The following PIP4K2A variants were observed in gnomAD, a reference collection of about 807,000 sequenced individuals.
The protein encoded by PIP4K2A is phosphatidylinositol-5-phosphate 4-kinase type 2 alpha.
PIP4K2A carries 14 observed loss-of-function variants against 42.9 expected under a neutral mutation model. The ratio of observed to expected loss-of-function variants is 0.33; its 90% CI spans 0.22 to 0.51. The LOEUF is 0.51. Among genes scored for constraint, PIP4K2A ranks in the 20% least tolerant of loss-of-function variants. PIP4K2A has a pLI of 0.97. For missense variants in PIP4K2A, 434 were observed against 519.8 expected, an observed-to-expected ratio of 0.83 and a Z score of 1.61; for synonymous variants, 192 against 192.2, an observed-to-expected ratio of 1.00 and a Z score of 0.01.
At chr10:22,567,989 C>A in intron 5 of PIP4K2A, 100 bp from the exon 6 acceptor site, 1 of 1,035,466 alleles carries the variant, frequency 9.7e-7, no homozygotes. Context: ...AGAGCCAGCT[C>A]AGCACCCACT....
chr10:22,616,885 A>C (rs1363749440), intron 1 of PIP4K2A, among the ~76,000 whole-genome samples: 1 of 152,114 alleles, frequency 6.6e-6, no homozygotes, highest in Non-Finnish European at 1.5e-5. Context: ...GAAAATAAAT[A>C]CTCCTCAAAG....
chr10:22,630,977 A>G (rs1838534873), intron 1 of PIP4K2A, among the ~76,000 whole-genome samples: 1 of 152,198 alleles, frequency 6.6e-6, no homozygotes, highest in African/African-American at 2.4e-5. Flanking sequence ...CAACAGGGAC[A>G]AGAGAGTAGG....
At chr10:22,703,776 G>A (rs1833759404) in intron 1 of PIP4K2A, among the ~76,000 whole-genome samples, 1 of 152,204 alleles carries the variant, frequency 6.6e-6, no homozygotes, top group South Asian at 2.1e-4. Context: ...CCAAACAGGA[G>A]GCTACCACAG....
At chr10:22,548,335 A>G (rs1836305860) in intron 7 of PIP4K2A, among the ~76,000 whole-genome samples, 1 of 152,246 alleles carries the variant, frequency 6.6e-6, no homozygotes, top group African/African-American at 2.4e-5. Flanking sequence ...CAATGGTATT[A>G]TTAGAGACAA....
chr10:22,538,972 A>G (rs1050611731), intron 9 of PIP4K2A, among the ~76,000 whole-genome samples: 12 of 152,306 alleles, frequency 7.9e-5, no homozygotes, highest in Middle Eastern at 6.8e-3. Context: ...GTGAATCTTC[A>G]TTAGTTCTAC....
At chr10:22,655,389 G>C (rs961066931) in intron 1 of PIP4K2A, among the ~76,000 whole-genome samples, 1 of 152,188 alleles carries the variant, frequency 6.6e-6, no homozygotes, top group African/African-American at 2.4e-5. Flanking sequence ...TGTGACTGCT[G>C]CCCTGCCTTC....
chr10:22,635,221 A>C (rs989543364), intron 1 of PIP4K2A, among the ~76,000 whole-genome samples: 4 of 152,098 alleles, frequency 2.6e-5, no homozygotes, highest in Admixed American at 1.3e-4. Context: ...ACACAGAGAG[A>C]ACCCTAATGT....
intron 1 of PIP4K2A, among the ~76,000 whole-genome samples, chr10:22,713,761 C>T (rs1208708225): frequency 1.3e-5 from 2 of 152,118 alleles, no homozygotes; most frequent in Non-Finnish European, 2.9e-5. Context: ...GCGGGCGCCG[C>T]GCGGCCCCCA....
At chr10:22,599,968 G>A (rs1453548043) in intron 3 of PIP4K2A, among the ~76,000 whole-genome samples, 2 of 151,758 alleles carry the variant, frequency 1.3e-5, no homozygotes, top group Non-Finnish European at 2.9e-5. Context: ...AAACGTCTGC[G>A]CTGAAGATGT....
At position 22,608,014 on chromosome 10, in the gene PIP4K2A, C is replaced by T. The variant is rs779504779; in HGVS notation, c.252G>A (p.Met84Ile). ...ATTCCTTAAACTTGAAATGGCTCGG[C>T]ATGTTTTCTCTGAAACAGTCACAGC... ...VDNHLFNKEN[M>I]PSHFKFKEYC... The change falls in exon 3 of 10, where the codon ATG (methionine) becomes ATA (isoleucine). Residue 84 changes from methionine (M) to isoleucine (I), a missense_variant. By Grantham distance (10) the Met-to-Ile change is conservative. Around this residue, in one of 2 missense-constraint regions of PIP4K2A, gnomAD observed 395 missense variants for 444.5 expected, o/e 0.89. Coordinates refer to ENST00000376573, the MANE Select transcript of PIP4K2A (RefSeq NM_005028.5). The T allele has an allele frequency of 1.2e-6, 2 of 1,607,208 alleles. No homozygotes were observed. Among genetic ancestry groups the T allele is most frequent in the South Asian group, 2.2e-5 (2 of 90,646 alleles).
intron 9 of PIP4K2A, among the ~76,000 whole-genome samples, chr10:22,538,512 A>T (rs113575310): frequency 2.6e-5 from 4 of 152,344 alleles, no homozygotes; most frequent in African/African-American, 9.6e-5. Flanking sequence ...GTATGAGGTG[A>T]AAAAACAGGA....
intron 4 of PIP4K2A, among the ~76,000 whole-genome samples, chr10:22,580,700 CA>C (rs1299910559): frequency 6.6e-6 from 1 of 152,172 alleles, no homozygotes; most frequent in South Asian, 2.1e-4. Context: ...GTTTAACTTC[CA>C]GATTACAAGA....
In PIP4K2A at chr10:22,576,760, C is replaced by A. The variant is rs191150510; in HGVS notation, c.493-3303G>T. On this transcript the variant is annotated intron_variant, in intron 4 of 9. Transcript: ENST00000376573. ...TTTCCATTTTTATTAAACCTCAAAA[C>A]CCCCTCATCACTCTCAATATTCATT... is the stretch of plus-strand genomic sequence containing the variant. Among the ~76,000 whole-genome samples, 1,268 of 152,262 alleles carry A rather than the reference C, an allele frequency of 8.3e-3. 5 individuals carry two copies. The highest frequency in any genetic ancestry group is 0.015 in the Non-Finnish European group (1,022 of 68,024).
At chr10:22,646,058 T>G (rs1257817162) in intron 1 of PIP4K2A, among the ~76,000 whole-genome samples, 3 of 152,110 alleles carry the variant, frequency 2.0e-5, no homozygotes, top group Admixed American at 2.0e-4. Context: ...CATTTTTAAT[T>G]TCATGATCAA....
chr10:22,683,871 ACAC>A (rs753954765), intron 1 of PIP4K2A, among the ~76,000 whole-genome samples: 447 of 150,902 alleles, frequency 3.0e-3, no homozygotes, highest in Non-Finnish European at 5.1e-3. Flanking sequence ...ACACACACAC[ACAC>A]AATTCAAAGT....
At chr10:22,612,895 G>C (rs1838089082) in intron 1 of PIP4K2A, among the ~76,000 whole-genome samples, 1 of 152,182 alleles carries the variant, frequency 6.6e-6, no homozygotes, top group South Asian at 2.1e-4. Context: ...AAAAATGTGT[G>C]TATCTGTGCA....
intron 7 of PIP4K2A, among the ~76,000 whole-genome samples, chr10:22,545,146 C>G (rs1269490494): frequency 6.6e-6 from 1 of 152,234 alleles, no homozygotes; most frequent in African/African-American, 2.4e-5. Context: ...TACTTCTTCC[C>G]TATCCGTCCC....
At chr10:22,547,796 C>T (rs767364686) in intron 7 of PIP4K2A, among the ~76,000 whole-genome samples, 9 of 152,130 alleles carry the variant, frequency 5.9e-5, no homozygotes, top group African/African-American at 9.7e-5. Flanking sequence ...CCTCATACAC[C>T]GATCTGTGTG....
intron 1 of PIP4K2A, among the ~76,000 whole-genome samples, chr10:22,704,737 C>G (rs528784886): frequency 6.6e-6 from 1 of 150,458 alleles, no homozygotes; most frequent in Admixed American, 6.6e-5. Context: ...TCTGCTGTTA[C>G]TGTAGTTTAT....
Sources: allele counts gnomAD v4.1 joint callset (sites outside exome capture counted in the v4.1 genomes callset), GRCh38; gene constraint gnomAD v4.1.1; regional missense constraint gnomAD v4.1.1; transcripts MANE v1.5; gene names NCBI Gene and HGNC (gene_info 2026-07-23, HGNC 2026-07-21).